The following SEC23A variants were observed in gnomAD, a reference collection of about 807,000 sequenced individuals.
SEC23A encodes protein transport protein Sec23A.
In SEC23A, 56 loss-of-function variants were observed where a neutral mutation model predicts 103.7. The ratio of observed to expected loss-of-function variants is 0.54; its 90% CI spans 0.44 to 0.67. SEC23A has a LOEUF of 0.67. SEC23A is among the 30% of genes least tolerant of loss of function. The pLI is 0.00. For synonymous variants in SEC23A, 281 were observed against 293.0 expected (o/e 0.96, Z 0.42); for missense variants, 784 against 936.4 (o/e 0.84, Z 2.12).
rs1307421759 is a variant in SEC23A, at chr14:39,094,247, C to G, written c.222-1003G>C. Among the ~76,000 whole-genome samples the G allele has an allele frequency of 1.1e-4, 11 of 102,968 alleles. No individual in the cohort carries two copies. In the South Asian group the frequency reaches 2.2e-3, roughly 21 times the overall value. 67.6% of individuals were successfully genotyped at this position (102,968 alleles called of 152,430 possible). A position where few individuals can be genotyped will look rare whatever the true frequency, so the allele number is the denominator to read the frequency against. ...ATACATATATATATATGCATATATA[C>G]ACATATACATATATATGCATATATA... On this transcript the variant is annotated intron_variant, in intron 2 of 19. Coordinates refer to ENST00000307712, the MANE Select transcript of SEC23A (RefSeq NM_006364.4).
intron 10 of SEC23A, 27 bp from the exon 11 acceptor site, chr14:39,065,020 G>A (rs765405655): frequency 3.2e-5 from 47 of 1,450,902 alleles, no homozygotes; most frequent in Non-Finnish European, 4.2e-5. Flanking sequence ...CAGCATGTTC[G>A]GTTTCCTCAA....
At chr14:39,101,153 T>C (rs1234513976) in intron 1 of SEC23A, among the ~76,000 whole-genome samples, 4 of 152,132 alleles carry the variant, frequency 2.6e-5, no homozygotes, top group African/African-American at 9.7e-5. Context: ...CACTAGTCTT[T>C]ATTTTTTTTA....
At chr14:39,056,007 G>A (rs1359361281) in intron 13 of SEC23A, among the ~76,000 whole-genome samples, 1 of 152,238 alleles carries the variant, frequency 6.6e-6, no homozygotes, top group Non-Finnish European at 1.5e-5. Flanking sequence ...CTTGAGCAAA[G>A]CTAGATAACA....
At chr14:39,095,875 G>C (rs760692599) in intron 2 of SEC23A, 23 bp downstream of exon 2, 10 of 1,518,140 alleles carry the variant, frequency 6.6e-6, no homozygotes, top group Admixed American at 1.7e-5. Flanking sequence ...TGCCACATTA[G>C]TTTTTCTATA....
chr14:39,094,779 T>A (rs1005423388), intron 2 of SEC23A: 1 of 470,284 alleles, frequency 2.1e-6, no homozygotes, highest in Non-Finnish European at 3.7e-6. Context: ...GTAAGTTTGG[T>A]ATGTTCAAGA....
intron 2 of SEC23A, chr14:39,094,950 C>T (rs1440450029): frequency 1.4e-6 from 1 of 694,320 alleles, no homozygotes; most frequent in East Asian, 2.7e-5. Flanking sequence ...TAAGAAGCTA[C>T]TACTGGAAGA....
At chr14:39,038,968 A>C in intron 19 of SEC23A, 63 bp downstream of exon 19, 2 of 1,390,168 alleles carry the variant, frequency 1.4e-6, no homozygotes, top group Non-Finnish European at 1.0e-6. Flanking sequence ...TGTAGCTTTC[A>C]CTAAAATAAT....
chr14:39,085,890 G>C lies in SEC23A; in HGVS notation c.700C>G (p.Gln234Glu), dbSNP rs752855304. The C allele has an allele frequency of 5.6e-6, 9 of 1,613,056 alleles. No homozygotes were observed. Among genetic ancestry groups the C allele is most frequent in the African/African-American group, 1.3e-5 (1 of 74,872 alleles). The change falls in exon 7 of 20, where the codon CAG (glutamine) becomes GAG (glutamate). Residue 234 changes from glutamine (Q) to glutamate (E), a missense_variant. Coordinates refer to ENST00000307712, the MANE Select transcript of SEC23A (RefSeq NM_006364.4). ...PPSNRFLQPV[Q>E]KIDMNLTDLL... is the part of the protein sequence containing the mutation. ...TCTGTGAGATTCATGTCTATTTTCT[G>C]TACTGGTTGTAAGAATCTAAGAAAC...
At chr14:39,052,124 T>C (rs1382857762) in intron 14 of SEC23A, among the ~76,000 whole-genome samples, 1 of 151,696 alleles carries the variant, frequency 6.6e-6, no homozygotes, top group Non-Finnish European at 1.5e-5. Flanking sequence ...CATGGACACA[T>C]GGGGGGCAAC....
At position 39,040,756 on chromosome 14, in the gene SEC23A, A is replaced by G. The variant is rs982843251; in HGVS notation, c.2118T>C (p.Ile706=). 1 of 1,614,190 alleles carries G rather than the reference A, an allele frequency of 6.2e-7. No individual in the cohort carries two copies. Among genetic ancestry groups the G allele is most frequent in the African/African-American group, 1.3e-5 (1 of 75,048 alleles). Residue 706 remains isoleucine, a synonymous_variant, in exon 18 of 20, where the codon ATT becomes ATC. Coordinates refer to ENST00000307712, the MANE Select transcript of SEC23A (RefSeq NM_006364.4). ...CCTGGCTGCCTCCATGTTCAGTGTC[A>G]ATGTATCTTGGCATTGGAAATCTGG... ...LHSRFPMPRY[I]DTEHGGSQAR...
chr14:39,065,406 T>TA (rs11396835), intron 10 of SEC23A, among the ~76,000 whole-genome samples: 23,610 of 146,744 alleles, frequency 0.16, 1,971 homozygotes, highest in African/African-American at 0.23. Flanking sequence ...ACCTTCTGTC[T>TA]AAAAAAAAAA....
chr14:39,095,106 T>C, intron 2 of SEC23A: 1 of 651,986 alleles, frequency 1.5e-6, no homozygotes, highest in Non-Finnish European at 2.7e-6. Context: ...AAGCAGGGTA[T>C]ACTACCAGAG....
intron 8 of SEC23A, 99 bp from the exon 9 acceptor site, chr14:39,074,629 T>C (rs1365078336): frequency 1.0e-5 from 7 of 697,112 alleles, no homozygotes; most frequent in Non-Finnish European, 1.8e-5. Context: ...AAAGAGTAAC[T>C]CATAATTTAA....
intron 19 of SEC23A, among the ~76,000 whole-genome samples, chr14:39,037,988 C>CA (rs1364341630): frequency 2.0e-5 from 3 of 152,164 alleles, no homozygotes; most frequent in African/African-American, 7.2e-5. Flanking sequence ...TACTAAGACT[C>CA]AAATCTGCCC....
rs8018720 is a variant in SEC23A, at chr14:39,086,981, G to T, written c.631C>A (p.Leu211Ile). The change falls in exon 6 of 20, where the codon CTT (leucine) becomes ATT (isoleucine). Residue 211 changes from leucine to isoleucine, a missense_variant. Transcript: ENST00000307712. ...TGAGGACCACGTGTTGCTTGAGTAA[G>T]TGGTACTTTAGAGAGCCCCAGCATT... ...QEMLGLSKVP[L>I]TQATRGPQVQ... 85 of 1,585,142 alleles carry T rather than the reference G, an allele frequency of 5.4e-5. 1 individual carries two copies. In the South Asian group the frequency reaches 5.6e-4, roughly 11 times the overall value.
chr14:39,050,368 A>G (rs770602653), intron 14 of SEC23A, among the ~76,000 whole-genome samples: 3 of 152,234 alleles, frequency 2.0e-5, no homozygotes, highest in Non-Finnish European at 2.9e-5. Context: ...CCTAGGGGTC[A>G]ATGCCTAACC....
intron 5 of SEC23A, chr14:39,088,141 T>C (rs1887511204): frequency 1.3e-5 from 2 of 152,142 alleles, no homozygotes; most frequent in Non-Finnish European, 2.9e-5. Context: ...CCAGAAGAGT[T>C]TAAGATTTGA....
chr14:39,064,817 C>T (rs1886601423), intron 11 of SEC23A, 96 bp downstream of exon 11: 4 of 888,492 alleles, frequency 4.5e-6, no homozygotes, highest in South Asian at 2.6e-5. Context: ...TGGGCTTAAG[C>T]AATCCTCCTG....
Position 39,085,799 on chromosome 14 carries a change from G to C in SEC23A, c.791C>G (p.Ser264Cys). 6.2e-7 allele frequency: 1 copy of C among 1,613,568 alleles called. No homozygotes were observed. The highest frequency in any genetic ancestry group is 8.5e-7 in the Non-Finnish European group (1 of 1,179,936). ...VPQGKRPLRS[S>C]GVALSIAVGL... is the part of the protein sequence containing the mutation. ...TACAGCTATGGAAAGTGCCACCCCA[G>C]AGGAACGCAAAGGTCTCTTTCCCTG... The change falls in exon 7 of 20, where the codon TCT becomes TGT. Residue 264 changes from serine to cysteine, a missense_variant. Around this residue, in one of 2 missense-constraint regions of SEC23A, gnomAD observed 683 missense variants for 774.2 expected, o/e 0.88. Transcript: ENST00000307712.
Sources: gnomAD v4.1 joint callset for allele counts (sites outside exome capture counted in the v4.1 genomes callset) on GRCh38, gnomAD v4.1.1 for gene constraint, gnomAD v4.1.1 regional missense constraint, MANE v1.5 for transcripts, NCBI Gene and HGNC (gene_info 2026-07-23, HGNC 2026-07-21) for gene names.